Variants in MATCAP1 observed in about 807,000 individuals in gnomAD.
MATCAP1 encodes the protein microtubule associated tyrosine carboxypeptidase 1.
At chr16:67,182,868 A>G in the MATCAP1 span, among the ~76,000 whole-genome samples, 7 of 152,188 alleles carry the variant, frequency 4.6e-5, no homozygotes, top group African/African-American at 1.7e-4. Flanking sequence ...TGTAGCAGTC[A>G]TCACCATCTG....
chr16:67,178,182 C>G, the MATCAP1 span: 3 of 1,536,766 alleles, frequency 2.0e-6, no homozygotes, highest in South Asian at 1.2e-5. Context: ...AGGCACCTCC[C>G]CCGCGCTGGC....
chr16:67,180,444 G>A, the MATCAP1 span: 17 of 1,609,984 alleles, frequency 1.1e-5, no homozygotes, highest in East Asian at 6.7e-5. Flanking sequence ...GGGCTGCAGC[G>A]CTGGGGGGAC....
At chr16:67,178,175 C>T in the MATCAP1 span, 1 of 1,523,612 alleles carries the variant, frequency 6.6e-7, no homozygotes, top group Non-Finnish European at 8.8e-7. Context: ...CGGCTCTAGG[C>T]ACCTCCCCCG....
At chr16:67,180,596 T>C in the MATCAP1 span, 4 of 1,519,706 alleles carry the variant, frequency 2.6e-6, no homozygotes, top group Middle Eastern at 1.8e-4. Context: ...CCTGAGCCCC[T>C]GAGTCCAGCA....
At chr16:67,180,533 A>G in the MATCAP1 span, 3 of 1,552,110 alleles carry the variant, frequency 1.9e-6, no homozygotes, top group Admixed American at 5.8e-5. Flanking sequence ...GCTTCAGCCT[A>G]TGGCGCAGGG....
the MATCAP1 span, chr16:67,178,113 A>G: frequency 6.2e-7 from 1 of 1,610,306 alleles, no homozygotes; most frequent in Non-Finnish European, 8.5e-7. Context: ...ACAACCTGGG[A>G]GGGCAGGAGG....
At chr16:67,177,294 C>T in the MATCAP1 span, among the ~76,000 whole-genome samples, 2 of 152,186 alleles carry the variant, frequency 1.3e-5, no homozygotes, top group African/African-American at 4.8e-5. Context: ...CAGGATGGCC[C>T]CATGTCCAAA....
At chr16:67,179,773 G>A in the MATCAP1 span, 1 of 1,610,646 alleles carries the variant, frequency 6.2e-7, no homozygotes, top group Non-Finnish European at 8.5e-7. This position sits in a 1 kb window ranked among gnomAD's most constrained non-coding sequence, Gnocchi z 5.2. Context: ...AAGACACCCT[G>A]ATTTGGGGCA....
chr16:67,178,276 C>T, the MATCAP1 span: 6 of 1,572,154 alleles, frequency 3.8e-6, no homozygotes, highest in Admixed American at 1.9e-5. Context: ...CTGCACGTAG[C>T]GCTCCAGGTC....
the MATCAP1 span, chr16:67,180,629 T>G: frequency 2.0e-6 from 3 of 1,492,282 alleles, no homozygotes; most frequent in Non-Finnish European, 2.7e-6. Context: ...GGGGGTCACA[T>G]CCAGCCGGGT....
the MATCAP1 span, chr16:67,176,862 C>T: frequency 6.2e-7 from 1 of 1,610,652 alleles, no homozygotes; most frequent in Non-Finnish European, 8.5e-7. The surrounding 1 kb of genome is among the most constrained non-coding windows in gnomAD (Gnocchi z 4.3). Flanking sequence ...GGTTGGTGGC[C>T]ATGATGTGCT....
the MATCAP1 span, chr16:67,176,617 T>TCCC: frequency 2.2e-6 from 1 of 463,822 alleles, no homozygotes; most frequent in South Asian, 5.4e-5. This position sits in a 1 kb window ranked among gnomAD's most constrained non-coding sequence, Gnocchi z 4.3. Context: ...CTGCTGCAGG[T>TCCC]CCCCAGACCC....
chr16:67,183,893 G>A, the MATCAP1 span: 790 of 177,402 alleles, frequency 4.5e-3, 5 homozygotes, highest in Middle Eastern at 7.6e-3. Context: ...TCTGCTCGCC[G>A]CCCGCCGCTC....
chr16:67,177,434 T>C, the MATCAP1 span, among the ~76,000 whole-genome samples: 1 of 152,148 alleles, frequency 6.6e-6, no homozygotes, highest in African/African-American at 2.4e-5. Flanking sequence ...TATTCCCCTC[T>C]CTGAAGAGCT....
the MATCAP1 span, chr16:67,180,592 C>A: frequency 2.0e-6 from 3 of 1,520,150 alleles, no homozygotes; most frequent in South Asian, 2.6e-5. Context: ...TACGCCTGAG[C>A]CCCTGAGTCC....
chr16:67,178,461 C>A, the MATCAP1 span: 1 of 1,533,476 alleles, frequency 6.5e-7, no homozygotes, highest in Non-Finnish European at 8.7e-7. Flanking sequence ...CCGCGTTGTG[C>A]CACGGCTGGC....
At chr16:67,178,282 A>G in the MATCAP1 span, 1 of 1,575,180 alleles carries the variant, frequency 6.3e-7, no homozygotes, top group Non-Finnish European at 8.6e-7. Flanking sequence ...GTAGCGCTCC[A>G]GGTCCTGGAA....
chr16:67,179,051 A>G, the MATCAP1 span: 5 of 1,122,088 alleles, frequency 4.5e-6, no homozygotes, highest in Non-Finnish European at 5.6e-6. The surrounding 1 kb of genome is among the most constrained non-coding windows in gnomAD (Gnocchi z 5.2). Context: ...GTCCATTCCC[A>G]GGACCTGGCC....
chr16:67,180,672 G>T, the MATCAP1 span: 2 of 1,263,012 alleles, frequency 1.6e-6, no homozygotes, highest in South Asian at 1.5e-5. Flanking sequence ...GACCTCTGGG[G>T]ACACAGAAGG....
Sources: gnomAD v4.1 joint callset for allele counts (sites outside exome capture counted in the v4.1 genomes callset) on GRCh38, gnomAD v4.1.1 for gene constraint, Gnocchi (gnomAD v3.1) non-coding constraint, MANE v1.5 for transcripts, NCBI Gene and HGNC (gene_info 2026-07-23, HGNC 2026-07-21) for gene names.